The following DSCAM variants were observed in gnomAD, a reference collection of about 807,000 sequenced individuals.
The protein encoded by DSCAM is cell adhesion molecule DSCAM.
In DSCAM, 47 loss-of-function variants were observed where a neutral mutation model predicts 217.7. That is an observed-to-expected ratio of 0.22 (90% confidence interval 0.17 to 0.28). DSCAM has a LOEUF of 0.28. Ranked by LOEUF, DSCAM falls within the 10% of genes least tolerant of loss-of-function variation. The pLI, the probability that DSCAM is intolerant of heterozygous loss-of-function variation, is 1.00. For synonymous variants in DSCAM, 1,056 were observed against 1,015.3 expected, an observed-to-expected ratio of 1.04 and a Z score of -0.76; for missense variants, 2,080 against 2,618.3, an observed-to-expected ratio of 0.79 and a Z score of 4.49.
chr21:40,615,296 A>AG (rs2089376743), intron 3 of DSCAM: 1 of 151,176 alleles, frequency 6.6e-6, no homozygotes, highest in Admixed American at 6.6e-5. Flanking sequence ...AAAAAAAAAA[A>AG]AAAGAAAAGA....
chr21:40,715,024 C>T (rs948024315), intron 1 of DSCAM, among the ~76,000 whole-genome samples: 2 of 152,226 alleles, frequency 1.3e-5, no homozygotes, highest in Non-Finnish European at 2.9e-5. Context: ...TTGCTTCTGT[C>T]TTCCATCCTT....
intron 11 of DSCAM, among the ~76,000 whole-genome samples, chr21:40,238,337 G>A (rs1195965176): frequency 6.6e-6 from 1 of 152,144 alleles, no homozygotes; most frequent in Non-Finnish European, 1.5e-5. Context: ...CCAGGTGGAG[G>A]AACTGAAAAT....
chr21:40,631,135 A>T (rs1302744755), intron 3 of DSCAM, among the ~76,000 whole-genome samples: 1 of 152,210 alleles, frequency 6.6e-6, no homozygotes, highest in Non-Finnish European at 1.5e-5. Context: ...CATTTTGGCC[A>T]AGTCACTTCG....
intron 11 of DSCAM, among the ~76,000 whole-genome samples, chr21:40,196,415 C>G (rs770904117): frequency 6.6e-6 from 1 of 152,146 alleles, no homozygotes. Context: ...GGCCAGTGCT[C>G]AGGCCCCACC....
At chr21:40,433,230 T>C (rs527696827) in intron 3 of DSCAM, among the ~76,000 whole-genome samples, 1 of 151,646 alleles carries the variant, frequency 6.6e-6, no homozygotes, top group African/African-American at 2.4e-5. Context: ...TGGTAGGTAG[T>C]CCCAGCTACG....
chr21:40,647,442 A>G (rs2089961291), intron 3 of DSCAM, among the ~76,000 whole-genome samples: 1 of 152,248 alleles, frequency 6.6e-6, no homozygotes, highest in East Asian at 1.9e-4. Flanking sequence ...CTAAGAATAT[A>G]ATGTAAGATT....
chr21:40,599,278 A>C (rs537956633), intron 3 of DSCAM, among the ~76,000 whole-genome samples: 1 of 152,246 alleles, frequency 6.6e-6, no homozygotes, highest in South Asian at 2.1e-4. Flanking sequence ...ATAGGTGTAC[A>C]TGTACCATGG....
chr21:40,261,630 A>C (rs1034858118), intron 11 of DSCAM, among the ~76,000 whole-genome samples: 2 of 141,678 alleles, frequency 1.4e-5, no homozygotes, highest in African/African-American at 5.4e-5. Context: ...TCCTTATAAT[A>C]AACTTATTCT....
intron 6 of DSCAM, among the ~76,000 whole-genome samples, chr21:40,340,234 C>T (rs1253838956): frequency 6.6e-6 from 1 of 152,130 alleles, no homozygotes; most frequent in East Asian, 1.9e-4. Flanking sequence ...GCCAAGAGAA[C>T]AGGCATGACC....
In DSCAM at chr21:40,515,612, A is replaced by G. The variant is rs370961837; in HGVS notation, c.509-146367T>C. ...CTTAGAGGAGTGTTGTAAAACTCCA[A>G]TTGAAGGTAAAAATACTCTTAAAAA... On this transcript the variant is annotated intron_variant, in intron 3 of 32. Transcript: ENST00000400454. Among the ~76,000 whole-genome samples, 13 of 152,284 alleles carry G rather than the reference A, an allele frequency of 8.5e-5. No homozygotes were observed. In the East Asian group the frequency reaches 1.9e-3, roughly 23 times the overall value.
At chr21:40,577,454 GC>G (rs1306559988) in intron 3 of DSCAM, among the ~76,000 whole-genome samples, 1 of 117,360 alleles carries the variant, frequency 8.5e-6, no homozygotes, top group East Asian at 2.7e-4. Context: ...TCCTCAGGTG[GC>G]GCCCCCCTCC....
At position 40,818,811 on chromosome 21, in the gene DSCAM, T is replaced by A. The variant is rs1346719367; in HGVS notation, c.43+27808A>T. The stretch of plus-strand genomic sequence containing the variant: ...TAAGAGAACGACTAAATTTAGATAA[T>A]GTCTAAAACACAGCTGAACCAAAAA... On this transcript the variant is annotated intron_variant, in intron 1 of 32. Transcript: ENST00000400454. Among the ~76,000 whole-genome samples, 4 of 152,172 alleles carry A rather than the reference T, an allele frequency of 2.6e-5. No individual in the cohort carries two copies. The East Asian group carries it at 7.7e-4, about 29-fold the overall frequency.
rs1335710775 is a variant in DSCAM, at chr21:40,620,263, AAAAG to A, written c.508+72543_508+72546del. Among the ~76,000 whole-genome samples the A allele has an allele frequency of 1.9e-3, 271 of 141,252 alleles. 18 individuals carry two copies. The highest frequency in any genetic ancestry group is 7.3e-3 in the South Asian group (32 of 4,402). The allele number at this position is 141,252 out of a possible 152,430, so 92.7% of individuals were successfully genotyped here. ...GAGAGAGAAAGAGAGAGAAAAAAGA[AAAAG>A]AAAGAAAGAGAGAAAGAGAGAGAAA... On this transcript the variant is annotated intron_variant, in intron 3 of 32. Transcript: ENST00000400454.
intron 2 of DSCAM, among the ~76,000 whole-genome samples, chr21:40,693,684 A>T (rs113652140): frequency 0.053 from 8,055 of 152,184 alleles, 455 homozygotes; most frequent in African/African-American, 0.14. Flanking sequence ...ATAATTTTTC[A>T]TTAGTAAATT....
chr21:40,226,488 G>C, intron 11 of DSCAM, among the ~76,000 whole-genome samples: 1 of 152,044 alleles, frequency 6.6e-6, no homozygotes, highest in Non-Finnish European at 1.5e-5. Context: ...ATATTAAAAT[G>C]ATATTTTCTA....
chr21:40,607,232 CAA>C (rs56329917), intron 3 of DSCAM, among the ~76,000 whole-genome samples: 152,262 of 152,262 alleles, frequency 1, 76,131 homozygotes, highest in Non-Finnish European at 1. Context: ...AGTTAATCAG[CAA>C]AAAGAACTAA....
At chr21:40,719,330 A>G (rs1336379035) in intron 1 of DSCAM, among the ~76,000 whole-genome samples, 1 of 152,230 alleles carries the variant, frequency 6.6e-6, no homozygotes, top group African/African-American at 2.4e-5. Flanking sequence ...AAGAATGTGG[A>G]GCAACAAGAC....
At chr21:40,057,295 T>C (rs2089040766) in intron 28 of DSCAM, among the ~76,000 whole-genome samples, 1 of 152,218 alleles carries the variant, frequency 6.6e-6, no homozygotes, top group South Asian at 2.1e-4. Context: ...CATTCGTTGA[T>C]TTTGTTAAAA....
chr21:40,798,521 A>G (rs1045624915), intron 1 of DSCAM, among the ~76,000 whole-genome samples: 3 of 152,132 alleles, frequency 2.0e-5, no homozygotes, highest in Non-Finnish European at 4.4e-5. Context: ...ACCAAAAAAG[A>G]AATGAGCAAA....
Sources: allele counts gnomAD v4.1 joint callset (sites outside exome capture counted in the v4.1 genomes callset), GRCh38; gene constraint gnomAD v4.1.1; transcripts MANE v1.5; gene names NCBI Gene and HGNC (gene_info 2026-07-23, HGNC 2026-07-21).